The following CERS3 variants were observed in gnomAD, a reference collection of about 807,000 sequenced individuals.
CERS3 encodes the protein LAG1 homolog, ceramide synthase 3.
Under a neutral mutation model 50.3 loss-of-function variants are expected in CERS3, and 33 were observed. That is an observed-to-expected ratio of 0.66 (90% CI 0.50 to 0.88). CERS3 has a LOEUF of 0.88. CERS3 is among the 40% of genes least tolerant of loss of function. The pLI, the probability that CERS3 is intolerant of heterozygous loss-of-function variation, is 0.00. For synonymous variants in CERS3, 176 were observed against 155.2 expected (o/e 1.13, Z -0.99); for missense variants, 470 against 460.3 (o/e 1.02, Z -0.19).
rs577631083 is a variant in CERS3, at chr15:100,456,783, C to CT, written c.846-738dup. 4.2e-3 allele frequency among the ~76,000 whole-genome samples: 635 copies of CT among 152,064 alleles called. 9 individuals are homozygous for CT. Among genetic ancestry groups the CT allele is most frequent in the African/African-American group, 0.014 (597 of 41,486 alleles). On this transcript the variant is annotated intron_variant, in intron 10 of 11. Transcript: ENST00000679737. Reference sequence around the variant, plus strand: ...CCAACATGGCAAAACCCCATTTGTACTAAAAATGCAAAAATTAGCTGGGTG... The same window carrying CT: ...CCAACATGGCAAAACCCCATTTGTACTTAAAAATGCAAAAATTAGCTGGGTG...
chr15:100,470,067 G>C (rs1013301979), intron 9 of CERS3, among the ~76,000 whole-genome samples: 3 of 151,598 alleles, frequency 2.0e-5, no homozygotes, highest in African/African-American at 4.8e-5. Flanking sequence ...TATCTGTGTT[G>C]AATAGAAAGA....
chr15:100,480,123 G>T (rs2035254192), intron 5 of CERS3, 77 bp from the exon 6 acceptor site: 2 of 1,079,122 alleles, frequency 1.9e-6, no homozygotes, highest in Admixed American at 4.0e-5. Context: ...AGGTATGGCA[G>T]ATTTTACAAA....
chr15:100,444,216 C>T (rs2142162585), intron 11 of CERS3, among the ~76,000 whole-genome samples: 1 of 152,342 alleles, frequency 6.6e-6, no homozygotes, highest in East Asian at 1.9e-4. Context: ...AACTCACTCT[C>T]TACAGCTCTC....
intron 11 of CERS3, among the ~76,000 whole-genome samples, chr15:100,414,651 C>T (rs1360216142): frequency 2.0e-5 from 3 of 152,032 alleles, no homozygotes; most frequent in Admixed American, 6.6e-5. Context: ...TGATCTTTGA[C>T]AAACCAGACA....
At chr15:100,496,155 A>G (rs1201576014) in intron 3 of CERS3, among the ~76,000 whole-genome samples, 1 of 152,232 alleles carries the variant, frequency 6.6e-6, no homozygotes, top group Admixed American at 6.5e-5. Context: ...ATACACTAAC[A>G]GTGCCTTGAA....
intron 2 of CERS3, among the ~76,000 whole-genome samples, chr15:100,504,586 G>C (rs1176474225): frequency 6.6e-6 from 1 of 152,108 alleles, no homozygotes; most frequent in Non-Finnish European, 1.5e-5. Context: ...TGAGAGGGAG[G>C]AGTGAATCCT....
chr15:100,461,611 T>C lies in CERS3; in HGVS notation c.846-5565A>G, dbSNP rs374057895. Among the ~76,000 whole-genome samples the C allele has an allele frequency of 9.2e-5, 14 of 152,338 alleles. No individual in the cohort carries two copies. In the South Asian group the frequency reaches 2.7e-3, roughly 29 times the overall value. The stretch of plus-strand genomic sequence containing the variant: ...ACAACTATTACTCTTACTACCACTA[T>C]GGCCACTACTACTTTCCCACAACTA... On this transcript the variant is annotated intron_variant, in intron 10 of 11. Transcript: ENST00000679737.
chr15:100,470,901 G>C (rs866144791), intron 9 of CERS3, among the ~76,000 whole-genome samples: 3 of 152,286 alleles, frequency 2.0e-5, no homozygotes, highest in Middle Eastern at 3.4e-3. Context: ...AAATATGAAA[G>C]ATGAATAGGC....
chr15:100,415,575 A>G (rs1208246979), intron 11 of CERS3, among the ~76,000 whole-genome samples: 1 of 152,220 alleles, frequency 6.6e-6, no homozygotes, highest in East Asian at 1.9e-4. Context: ...GATAAAGAAA[A>G]TGTAGTACAC....
At chr15:100,492,581 AC>A (rs2035686200) in intron 3 of CERS3, among the ~76,000 whole-genome samples, 1 of 152,122 alleles carries the variant, frequency 6.6e-6, no homozygotes, top group Non-Finnish European at 1.5e-5. Flanking sequence ...TTTACATTCA[AC>A]CTATTTGTGT....
intron 1 of CERS3, among the ~76,000 whole-genome samples, chr15:100,537,796 A>C (rs2142430714): frequency 6.6e-6 from 1 of 152,262 alleles, no homozygotes; most frequent in African/African-American, 2.4e-5. Context: ...ACATTTCAAA[A>C]CCAATCATGT....
rs558052057 is a variant in CERS3 at position 100,451,220 on chromosome 15, A to G, written c.999+4673T>C. On this transcript the variant is annotated intron_variant, in intron 11 of 11. Transcript: ENST00000679737. Reference sequence around the variant, plus strand: ...ATGATAAACAGTAAGAGAGAAAGAAAGAAACAAAGGATATACAGAACAACT... The same window carrying G: ...ATGATAAACAGTAAGAGAGAAAGAAGGAAACAAAGGATATACAGAACAACT... Among the ~76,000 whole-genome samples, 3 of 152,364 alleles carry G rather than the reference A, an allele frequency of 2.0e-5. No individual in the cohort carries two copies. The South Asian group carries it at 6.2e-4, about 32-fold the overall frequency.
chr15:100,455,141 G>C (rs982029218), intron 11 of CERS3, among the ~76,000 whole-genome samples: 2 of 152,082 alleles, frequency 1.3e-5, no homozygotes, highest in Non-Finnish European at 2.9e-5. Flanking sequence ...ACTGTTTGTG[G>C]GAATGTAAAT....
intron 11 of CERS3, among the ~76,000 whole-genome samples, chr15:100,432,735 T>C (rs749472229): frequency 2.6e-5 from 4 of 152,076 alleles, no homozygotes; most frequent in Non-Finnish European, 4.4e-5. Context: ...AAGAGTTGTA[T>C]GTATTTAGCC....
At chr15:100,461,687 C>T (rs988595) in intron 10 of CERS3, among the ~76,000 whole-genome samples, 42,356 of 152,034 alleles carry the variant, frequency 0.28, 6,164 homozygotes, top group East Asian at 0.4. Context: ...TAGAGCAACA[C>T]CCCCCAAGAG....
chr15:100,533,650 C>T (rs1289804066), upstream of CERS3, among the ~76,000 whole-genome samples: 2 of 149,926 alleles, frequency 1.3e-5, no homozygotes, highest in African/African-American at 2.5e-5. Flanking sequence ...CTCCACCTCC[C>T]GGGTTGAAGC....
intron 3 of CERS3, among the ~76,000 whole-genome samples, chr15:100,497,731 C>A (rs939405135): frequency 3.3e-5 from 5 of 151,924 alleles, no homozygotes; most frequent in African/African-American, 1.2e-4. Flanking sequence ...AGCATCCTTG[C>A]TGATATGAGG....
intron 11 of CERS3, among the ~76,000 whole-genome samples, chr15:100,430,311 C>CAA (rs762982343): frequency 3.1e-4 from 40 of 129,904 alleles, no homozygotes; most frequent in African/African-American, 9.7e-4. Context: ...GACTCCGTCT[C>CAA]AAAAAAAAAA....
chr15:100,425,459 T>A lies in CERS3; in HGVS notation c.1000-22594A>T, dbSNP rs994824370. 6.2e-5 allele frequency among the ~76,000 whole-genome samples: 9 copies of A among 144,570 alleles called. No homozygotes were observed. The Admixed American group carries it at 6.4e-4, about 10-fold the overall frequency. 94.8% of individuals were successfully genotyped at this position (144,570 alleles called of 152,430 possible). A position where few individuals can be genotyped will look rare whatever the true frequency, so the allele number is the denominator to read the frequency against. ...GACATGGAGTCAAAGCAGATTATTT[T>A]GTAGCTATAAGATTTAATGACCCCC... On this transcript the variant is annotated intron_variant, in intron 11 of 11. Coordinates refer to ENST00000679737, the MANE Select transcript of CERS3 (RefSeq NM_001378789.1).
Sources: gnomAD v4.1 joint callset for allele counts (sites outside exome capture counted in the v4.1 genomes callset) on GRCh38, gnomAD v4.1.1 for gene constraint, MANE v1.5 for transcripts, NCBI Gene and HGNC (gene_info 2026-07-23, HGNC 2026-07-21) for gene names.